Variants in TJP3 observed in about 807,000 individuals in gnomAD.
TJP3 encodes tight junction protein ZO-3.
TJP3 carries 85 observed loss-of-function variants against 104.2 expected under a neutral mutation model. The ratio of observed to expected loss-of-function variants is 0.82; its 90% confidence interval spans 0.68 to 0.98. The LOEUF (loss-of-function observed/expected upper bound fraction) is 0.98. Ranked by LOEUF, TJP3 falls within the 50% of genes least tolerant of loss-of-function variation. The pLI, the probability that TJP3 is intolerant of heterozygous loss-of-function variation, is 0.00. For missense variants in TJP3, 1,367 were observed against 1,322.8 expected, an observed-to-expected ratio of 1.03 and a Z score of -0.52; for synonymous variants, 550 against 550.6, an observed-to-expected ratio of 1.00 and a Z score of 0.02.
chr19:3,718,598 A>G (rs1461609009), intron 1 of TJP3, among the ~76,000 whole-genome samples: 1 of 151,508 alleles, frequency 6.6e-6, no homozygotes, highest in Non-Finnish European at 1.5e-5. Context: ...CCTCCCTAGT[A>G]GCTGGGACTA....
intron 1 of TJP3, among the ~76,000 whole-genome samples, chr19:3,720,685 TGAA>T (rs1242285956): frequency 1.3e-5 from 2 of 151,844 alleles, no homozygotes; most frequent in South Asian, 2.1e-4. Context: ...CCAGGTGACT[TGAA>T]GGTTTCCTAC....
chr19:3,748,109 G>A (rs1442947248), intron 19 of TJP3, 28 bp downstream of exon 19: 2 of 1,523,166 alleles, frequency 1.3e-6, no homozygotes, highest in South Asian at 2.5e-5. Flanking sequence ...GGCAGGCCTG[G>A]GAAGGGTCTC....
In TJP3 at chr19:3,730,684, G is replaced by A; in HGVS notation, c.591G>A (p.Leu197=). ...AGATGAAGCCTGTGAAGTCAGTGCTGGTGAAGAGGAGAGACAGCGAAGGTC... is the reference window on the plus strand; with the variant it reads ...AGATGAAGCCTGTGAAGTCAGTGCTAGTGAAGAGGAGAGACAGCGAAGGTC... ...DVQMKPVKSV[L]VKRRDSEEFG... is the part of the protein sequence containing the mutation. The change falls in exon 5 of 21, where the codon CTG becomes CTA. Residue 197 remains leucine, a synonymous_variant. Transcript: ENST00000541714. This position sits in a 1 kb window ranked among gnomAD's most constrained non-coding sequence, Gnocchi z 7.3. 6.2e-7 allele frequency: 1 copy of A among 1,609,276 alleles called. No individual in the cohort carries two copies. Among genetic ancestry groups the A allele is most frequent in the Non-Finnish European group, 8.5e-7 (1 of 1,179,960 alleles).
chr19:3,744,201 CGTTT>C (rs780821362), intron 15 of TJP3, among the ~76,000 whole-genome samples, 167 bp downstream of exon 15: 3 of 152,176 alleles, frequency 2.0e-5, no homozygotes, highest in Non-Finnish European at 4.4e-5. Context: ...ATCTTGGCAC[CGTTT>C]GTCTGGATAG....
intron 12 of TJP3, 94 bp downstream of exon 12, chr19:3,738,757 G>C: frequency 7.5e-7 from 1 of 1,333,370 alleles, no homozygotes; most frequent in African/African-American, 1.4e-5. Context: ...GGTTGAATCT[G>C]CATCTCTGCA....
chr19:3,728,754 G>A (rs111669934), intron 3 of TJP3, 41 bp downstream of exon 3: 311 of 1,599,068 alleles, frequency 1.9e-4, no homozygotes, highest in Non-Finnish European at 2.5e-4. Context: ...GGGAGGGCAC[G>A]TGGAGAGGAG....
In TJP3 at chr19:3,738,663, A is replaced by G. The variant is rs61729584; in HGVS notation, c.1393A>G (p.Ile465Val). 2.7e-3 allele frequency: 4,332 copies of G among 1,612,548 alleles called. 21 individuals are homozygous for G. Among genetic ancestry groups the G allele is most frequent in the Admixed American group, 0.011 (634 of 59,954 alleles). The change falls in exon 12 of 21, where the codon ATT becomes GTT. Residue 465 changes from isoleucine (I) to valine (V), a missense_variant and splice_region_variant. Ile to Val is a conservative substitution (Grantham distance 29). Transcript: ENST00000541714. Reference protein sequence around the residue: ...MELVTQRKQDIFWKMVQSRVG... With the variant: ...MELVTQRKQDVFWKMVQSRVG... ...GCTGGTGACGCAGAGGAAGCAGGACAGTGAGTGCGCGTGGATATGGGTGTG... is the reference window on the plus strand; with the variant it reads ...GCTGGTGACGCAGAGGAAGCAGGACGGTGAGTGCGCGTGGATATGGGTGTG...
intron 14 of TJP3, 123 bp downstream of exon 14, chr19:3,740,886 A>C: frequency 1.1e-6 from 1 of 914,712 alleles, no homozygotes; most frequent in Non-Finnish European, 1.5e-6. Context: ...CACGCCTATA[A>C]TCCCAACACT....
chr19:3,721,653 G>T, intron 1 of TJP3: 1 of 331,040 alleles, frequency 3.0e-6, no homozygotes. Flanking sequence ...GAGGTGGGGA[G>T]AGAAACCTCC....
intron 1 of TJP3, among the ~76,000 whole-genome samples, chr19:3,722,758 T>G (rs2036553716): frequency 6.6e-6 from 1 of 150,732 alleles, no homozygotes. Flanking sequence ...GCTGACTTCT[T>G]CCTTGCCTCC....
intron 1 of TJP3, among the ~76,000 whole-genome samples, chr19:3,727,309 C>T (rs570815361): frequency 8.6e-5 from 13 of 151,618 alleles, no homozygotes; most frequent in Non-Finnish European, 1.6e-4. Context: ...AGTGAAACCC[C>T]GTCTCTACTA....
chr19:3,735,447 C>T (rs941153923), intron 8 of TJP3, 119 bp from the exon 9 acceptor site: 43 of 994,712 alleles, frequency 4.3e-5, no homozygotes, highest in Admixed American at 5.3e-5. Context: ...GATCTGCCCA[C>T]CTCGACCTCC....
At chr19:3,719,534 G>A (rs1376907006) in intron 1 of TJP3, among the ~76,000 whole-genome samples, 1 of 151,590 alleles carries the variant, frequency 6.6e-6, no homozygotes, top group Admixed American at 6.6e-5. Context: ...CCAGGAGTTC[G>A]AGACCAGCCT....
intron 1 of TJP3, among the ~76,000 whole-genome samples, chr19:3,709,959 C>A (rs2036418513): frequency 6.6e-6 from 1 of 151,958 alleles, no homozygotes; most frequent in Admixed American, 6.6e-5. Flanking sequence ...ACCAGCCTGG[C>A]CAACATGGTG....
rs2036896150 is a variant in TJP3, at chr19:3,746,647, T to C, written c.2173T>C (p.Tyr725His). 1 of 1,613,360 alleles carries C rather than the reference T, an allele frequency of 6.2e-7. No homozygotes were observed. The highest frequency in any genetic ancestry group is 1.7e-5 in the Admixed American group (1 of 59,916). Residue 725 changes from tyrosine to histidine, a missense_variant, in exon 17 of 21, where the codon TAC becomes CAC. By Grantham distance (83) the Tyr-to-His change is moderately conservative (BLOSUM62 2). Coordinates refer to ENST00000541714, the MANE Select transcript of TJP3 (RefSeq NM_001267560.2). This position sits in a 1 kb window ranked among gnomAD's most constrained non-coding sequence, Gnocchi z 4.1. ...CTCCCGCCGCAGCACCCGTCGCCTC[T>C]ACGCACAAGCCCAGAAGCTGCGAAA... ...PASRRSTRRL[Y>H]AQAQKLRKHS...
intron 12 of TJP3, 81 bp from the exon 13 acceptor site, chr19:3,738,816 C>A: frequency 7.0e-7 from 1 of 1,419,742 alleles, no homozygotes; most frequent in Non-Finnish European, 9.7e-7. Flanking sequence ...CCCAAATCTC[C>A]AGCCAGGCCC....
intron 1 of TJP3, among the ~76,000 whole-genome samples, chr19:3,726,554 GCA>G (rs1477625562): frequency 6.6e-6 from 1 of 151,854 alleles, no homozygotes; most frequent in Non-Finnish European, 1.5e-5. Flanking sequence ...AGCCAAGTTG[GCA>G]CCATTGCACT....
At chr19:3,739,236 A>T (rs745349148) in intron 13 of TJP3, 102 bp downstream of exon 13, 22 of 1,107,390 alleles carry the variant, frequency 2.0e-5, no homozygotes, top group Non-Finnish European at 2.7e-5. Flanking sequence ...TCAGGCCTGT[A>T]ATCCTGGCAC....
chr19:3,729,970 T>C lies in TJP3; in HGVS notation c.159-58T>C, dbSNP rs1388678798. 17 of 1,465,250 alleles carry C rather than the reference T, an allele frequency of 1.2e-5. No individual in the cohort carries two copies. In the East Asian group the frequency reaches 3.9e-4, roughly 33 times the overall value. 90.8% of individuals were successfully genotyped at this position (1,465,250 alleles called of 1,614,324 possible). On this transcript the variant is annotated intron_variant, in intron 3 of 20. Coordinates refer to ENST00000541714, the MANE Select transcript of TJP3 (RefSeq NM_001267560.2). ...GGGGCACCCCCTCCCCAGGGAGGGC[T>C]TGTTACGAGGGTCTCCCCTGCAAAG... is the stretch of plus-strand genomic sequence containing the variant.
Sources: allele counts gnomAD v4.1 joint callset (sites outside exome capture counted in the v4.1 genomes callset), GRCh38; gene constraint gnomAD v4.1.1; non-coding constraint Gnocchi (gnomAD v3.1); transcripts MANE v1.5; gene names NCBI Gene and HGNC (gene_info 2026-07-23, HGNC 2026-07-21).